Variants in SAMD8 observed in about 807,000 individuals in gnomAD.
SAMD8 encodes the protein sphingomyelin synthase-related protein 1.
Under a neutral mutation model 42.0 loss-of-function variants are expected in SAMD8, and 20 were observed. The ratio of observed to expected loss-of-function variants is 0.48; its 90% CI spans 0.34 to 0.69. The LOEUF is 0.69. Ranked by LOEUF, SAMD8 falls within the 30% of genes least tolerant of loss-of-function variation. SAMD8 has a pLI of 0.01. For missense variants in SAMD8, 328 were observed against 511.6 expected, an observed-to-expected ratio of 0.64 and a Z score of 3.46; for synonymous variants, 162 against 173.0, an observed-to-expected ratio of 0.94 and a Z score of 0.50.
Position 75,163,983 on chromosome 10 carries a change from C to G in SAMD8, c.579-662C>G, listed in dbSNP as rs139214476. Among the ~76,000 whole-genome samples the G allele has an allele frequency of 9.9e-5, 15 of 152,280 alleles. No homozygotes were observed. In the East Asian group the frequency reaches 2.9e-3, roughly 29 times the overall value. On this transcript the variant is annotated intron_variant, in intron 2 of 5. Transcript: ENST00000542569. ...CCTGTAATCTCAGCACTTTGGAAGT[C>G]TGAGACGGGAGAATCACTTGAGCTC...
chr10:75,176,148 C>T lies in SAMD8; in HGVS notation c.875C>T (p.Thr292Ile). 1 of 1,614,188 alleles carries T rather than the reference C, an allele frequency of 6.2e-7. No homozygotes were observed. The highest frequency in any genetic ancestry group is 8.5e-7 in the Non-Finnish European group (1 of 1,180,028). The change falls in exon 5 of 6, where the codon ACA becomes ATA. Residue 292 changes from threonine to isoleucine, a missense_variant. Around this residue, in one of 2 missense-constraint regions of SAMD8, gnomAD observed 178 missense variants for 325.6 expected, o/e 0.55. Transcript: ENST00000542569. The surrounding 1 kb of genome is among the most constrained non-coding windows in gnomAD (Gnocchi z 4.3). Reference protein sequence around the residue: ...GFGMTLTGVHTCGDYMFSGHT... With the variant: ...GFGMTLTGVHICGDYMFSGHT... ...GGTATGACCCTGACTGGCGTTCACACATGTGGAGATTACATGTTTAGTGGC... is the reference window on the plus strand; with the variant it reads ...GGTATGACCCTGACTGGCGTTCACATATGTGGAGATTACATGTTTAGTGGC...
upstream of SAMD8, chr10:75,111,377 GC>G (rs888782046): frequency 9.3e-5 from 56 of 601,936 alleles, no homozygotes; most frequent in South Asian, 1.2e-3. Flanking sequence ...CTCCTCCGCG[GC>G]AGCATCTCGG....
chr10:75,150,080 C>G (rs1429534428), intron 1 of SAMD8, among the ~76,000 whole-genome samples: 2 of 150,520 alleles, frequency 1.3e-5, no homozygotes, highest in Non-Finnish European at 3.0e-5. Context: ...GTGTACATCT[C>G]TCTCTCTCTC....
At chr10:75,117,206 T>G (rs530374202) in intron 1 of SAMD8, among the ~76,000 whole-genome samples, 15 of 150,072 alleles carry the variant, frequency 1.0e-4, no homozygotes, top group African/African-American at 3.7e-4. Flanking sequence ...GTGGATCCCT[T>G]GAGCCCAGGA....
chr10:75,166,409 A>C (rs1221256956), intron 3 of SAMD8, among the ~76,000 whole-genome samples: 3 of 151,964 alleles, frequency 2.0e-5, no homozygotes, highest in Admixed American at 1.3e-4. Flanking sequence ...AAAAAAAAAA[A>C]AATTGTAGCT....
chr10:75,148,718 CA>C (rs1840209997), intron 1 of SAMD8, among the ~76,000 whole-genome samples: 1 of 152,120 alleles, frequency 6.6e-6, no homozygotes, highest in Non-Finnish European at 1.5e-5. Context: ...GCCAACAATG[CA>C]TTTATAAGGC....
At chr10:75,124,227 T>G (rs747803820) in intron 1 of SAMD8, among the ~76,000 whole-genome samples, 17 of 152,160 alleles carry the variant, frequency 1.1e-4, no homozygotes, top group Non-Finnish European at 2.1e-4. Flanking sequence ...AGTCTTCTTA[T>G]GTTTATTTTA....
chr10:75,138,094 TATCTCATGAGC>T lies in SAMD8; in HGVS notation c.-15-12404_-15-12394del, dbSNP rs554118246. 1.4e-4 allele frequency among the ~76,000 whole-genome samples: 21 copies of T among 152,254 alleles called. No homozygotes were observed. The South Asian group carries it at 1.5e-3, about 11-fold the overall frequency. On this transcript the variant is annotated intron_variant, in intron 1 of 5. Coordinates refer to ENST00000542569, the MANE Select transcript of SAMD8 (RefSeq NM_001174156.2). The stretch of plus-strand genomic sequence containing the variant: ...CTCCCATTTCACCATCTGTTTTCCA[TATCTCATGAGC>T]ATCTCATGAGCATCTAGTTGGCTGA...
At chr10:75,122,531 T>C (rs1849027439) in intron 1 of SAMD8, among the ~76,000 whole-genome samples, 1 of 151,742 alleles carries the variant, frequency 6.6e-6, no homozygotes, top group African/African-American at 2.4e-5. Flanking sequence ...GAGAATCACT[T>C]GAACCCTGGA....
At chr10:75,108,934 C>A, upstream of SAMD8, 1 of 1,524,024 alleles carries the variant, frequency 6.6e-7, no homozygotes. Flanking sequence ...TTCCACCCTC[C>A]TGTGTCTGGT....
At chr10:75,142,018 G>A (rs1840027661) in intron 1 of SAMD8, among the ~76,000 whole-genome samples, 1 of 151,712 alleles carries the variant, frequency 6.6e-6, no homozygotes, top group South Asian at 2.1e-4. Context: ...TGCCCAGGTG[G>A]CTCACTGCAG....
intron 1 of SAMD8, among the ~76,000 whole-genome samples, chr10:75,138,983 G>T (rs1589951177): frequency 6.9e-6 from 1 of 144,196 alleles, no homozygotes. Flanking sequence ...TTTTTGAGAC[G>T]GAGTTTCGCT....
intron 2 of SAMD8, among the ~76,000 whole-genome samples, chr10:75,155,926 C>G (rs1225770021): frequency 6.6e-6 from 1 of 152,090 alleles, no homozygotes; most frequent in African/African-American, 2.4e-5. Flanking sequence ...AATACTGTTC[C>G]CAGGCCAGGT....
intron 1 of SAMD8, among the ~76,000 whole-genome samples, chr10:75,114,420 A>G (rs1046813087): frequency 6.6e-6 from 1 of 152,160 alleles, no homozygotes; most frequent in African/African-American, 2.4e-5. Flanking sequence ...TAGGTAAATC[A>G]GTTTTGATTT....
upstream of SAMD8, chr10:75,108,890 C>A: frequency 7.4e-7 from 1 of 1,348,688 alleles, no homozygotes; most frequent in Non-Finnish European, 9.8e-7. Context: ...GGTCCCTGGC[C>A]TGGGATGGTC....
chr10:75,106,935 G>A (rs1347282771), upstream of SAMD8, among the ~76,000 whole-genome samples: 1 of 152,254 alleles, frequency 6.6e-6, no homozygotes, highest in Non-Finnish European at 1.5e-5. Context: ...GTCACACAGT[G>A]AGGGACACAG....
intron 1 of SAMD8, among the ~76,000 whole-genome samples, chr10:75,117,531 A>G (rs1848914315): frequency 6.6e-6 from 1 of 152,022 alleles, no homozygotes; most frequent in Non-Finnish European, 1.5e-5. Context: ...CCTGGCCAAC[A>G]TGGTGAAACC....
Position 75,180,261 on chromosome 10 carries a change from G to C in SAMD8, c.*3569G>C, listed in dbSNP as rs1383046451. ...TATTTATTTGTATCCTTTGAAATCA[G>C]AACTTATCCTTAGAACCAGTCAGTT... On this transcript the variant is annotated 3_prime_UTR_variant, in exon 6 of 6. Transcript: ENST00000542569. 6.6e-6 allele frequency: 1 copy of C among 152,176 alleles called. No individual in the cohort carries two copies. Among genetic ancestry groups the C allele is most frequent in the Non-Finnish European group, 1.5e-5 (1 of 68,036 alleles). 9.4% of individuals were successfully genotyped at this position (152,176 alleles called of 1,614,324 possible). A position where few individuals can be genotyped will look rare whatever the true frequency, so the allele number is the denominator to read the frequency against.
chr10:75,139,195 C>G (rs1208236822), intron 1 of SAMD8, among the ~76,000 whole-genome samples: 2 of 152,018 alleles, frequency 1.3e-5, no homozygotes, highest in Non-Finnish European at 2.9e-5. Flanking sequence ...TCTCAAACTC[C>G]TGACCTCAAG....
Sources: allele counts gnomAD v4.1 joint callset (sites outside exome capture counted in the v4.1 genomes callset), GRCh38; gene constraint gnomAD v4.1.1; regional missense constraint gnomAD v4.1.1; non-coding constraint Gnocchi (gnomAD v3.1); transcripts MANE v1.5; gene names NCBI Gene and HGNC (gene_info 2026-07-23, HGNC 2026-07-21).